The following STK32C variants were observed in gnomAD, a reference collection of about 807,000 sequenced individuals.
STK32C encodes the protein serine/threonine-protein kinase 32C.
In STK32C, 31 loss-of-function variants were observed where a neutral mutation model predicts 56.5. That is an observed-to-expected ratio of 0.55 (90% CI 0.41 to 0.74). STK32C has a LOEUF of 0.74. Ranked by LOEUF, STK32C falls within the 30% of genes least tolerant of loss-of-function variation. The pLI is 0.00. For missense variants in STK32C, 544 were observed against 676.9 expected, an observed-to-expected ratio of 0.80 and a Z score of 2.18; for synonymous variants, 309 against 289.4, an observed-to-expected ratio of 1.07 and a Z score of -0.69.
intron 3 of STK32C, among the ~76,000 whole-genome samples, chr10:132,227,616 GGTGGTGATGGTGATGGTGATGACA>G (rs1414629755): frequency 7.1e-6 from 1 of 141,566 alleles, no homozygotes; most frequent in East Asian, 2.2e-4. Flanking sequence ...TGGCGATGAT[GGTGGTGATGGTGATGGTGATGACA>G]GTGGTGAGTT....
intron 1 of STK32C, among the ~76,000 whole-genome samples, chr10:132,267,723 A>C (rs553477932): frequency 7.7e-6 from 1 of 129,256 alleles, no homozygotes; most frequent in African/African-American, 3.1e-5. Flanking sequence ...ATGTGCATGC[A>C]TGTCCCACAT....
chr10:132,229,799 G>A (rs969216762), intron 2 of STK32C, among the ~76,000 whole-genome samples: 2 of 152,222 alleles, frequency 1.3e-5, no homozygotes, highest in Admixed American at 6.5e-5. Flanking sequence ...ACAGAGCACC[G>A]GGCTGGCCCA....
At chr10:132,220,728 G>A (rs540133660) in intron 10 of STK32C, among the ~76,000 whole-genome samples, 1 of 152,266 alleles carries the variant, frequency 6.6e-6, no homozygotes, top group East Asian at 1.9e-4. Context: ...ATGAGACCAC[G>A]ACCTCAGACA....
chr10:132,265,807 C>T (rs1018107337), intron 1 of STK32C, among the ~76,000 whole-genome samples: 11 of 152,188 alleles, frequency 7.2e-5, no homozygotes, highest in African/African-American at 2.2e-4. Flanking sequence ...GAAAACCCAA[C>T]GCGGGCCCCC....
At chr10:132,330,052 A>C (rs1263358276) in intron 1 of STK32C, among the ~76,000 whole-genome samples, 2 of 152,164 alleles carry the variant, frequency 1.3e-5, no homozygotes, top group African/African-American at 4.8e-5. Flanking sequence ...CTCCACAGCC[A>C]CTCAATAATC....
At chr10:132,313,328 C>T (rs967798312) in intron 1 of STK32C, among the ~76,000 whole-genome samples, 5 of 152,214 alleles carry the variant, frequency 3.3e-5, no homozygotes, top group African/African-American at 1.2e-4. Flanking sequence ...CATTAAACGC[C>T]GTGGCTGTTT....
rs2062209136 is a variant in STK32C at position 132,209,180 on chromosome 10, C to T, written c.1252-79G>A. On this transcript the variant is annotated intron_variant, in intron 10 of 11. Coordinates refer to ENST00000298630, the MANE Select transcript of STK32C (RefSeq NM_173575.4). The stretch of plus-strand genomic sequence containing the variant: ...ATGTCCCCTCAAGTGAGTGTCTGGG[C>T]ATCCCCATCGGGCCTCCACCTGTGG... The T allele has an allele frequency of 6.6e-6, 9 of 1,365,706 alleles. No individual in the cohort carries two copies. The Admixed American group carries it at 7.0e-5, about 11-fold the overall frequency. The allele number at this position is 1,365,706 out of a possible 1,614,324, so 84.6% of individuals were successfully genotyped here.
At chr10:132,290,574 C>T (rs575186678) in intron 1 of STK32C, among the ~76,000 whole-genome samples, 3 of 152,280 alleles carry the variant, frequency 2.0e-5, no homozygotes, top group Admixed American at 1.3e-4. Flanking sequence ...ACTGTTCTGA[C>T]GTTTATGAGG....
At chr10:132,220,167 G>C (rs1159650417) in intron 10 of STK32C, among the ~76,000 whole-genome samples, 1 of 152,246 alleles carries the variant, frequency 6.6e-6, no homozygotes, top group African/African-American at 2.4e-5. Context: ...TACTGGATCA[G>C]GGTGGGCCCT....
In STK32C at chr10:132,207,501, C is replaced by T. The variant is rs113429166; in HGVS notation, c.*509G>A. 2.1e-5 allele frequency: 3 copies of T among 142,960 alleles called. No individual in the cohort carries two copies. Among genetic ancestry groups the T allele is most frequent in the Non-Finnish European group, 4.6e-5 (3 of 65,874 alleles). The allele number at this position is 142,960 out of a possible 1,614,324, so 8.9% of individuals were successfully genotyped here. On this transcript the variant is annotated 3_prime_UTR_variant, in exon 12 of 12. Transcript: ENST00000298630. ...AGAACATGCAACATCGAGCGGTTCT[C>T]ACATTGTAATTCTCAGAGGTGAAAA...
intron 1 of STK32C, among the ~76,000 whole-genome samples, chr10:132,282,003 C>T (rs2065226620): frequency 6.6e-6 from 1 of 152,268 alleles, no homozygotes; most frequent in Non-Finnish European, 1.5e-5. Context: ...TGAGCGCCGA[C>T]ATTCAGAGGG....
At chr10:132,220,491 C>T (rs2062602401) in intron 10 of STK32C, among the ~76,000 whole-genome samples, 1 of 152,188 alleles carries the variant, frequency 6.6e-6, no homozygotes, top group South Asian at 2.1e-4. Flanking sequence ...GAACACGAAC[C>T]ACGTCCACAT....
chr10:132,223,774 CCT>C (rs1483195145), intron 8 of STK32C, among the ~76,000 whole-genome samples: 2 of 152,216 alleles, frequency 1.3e-5, no homozygotes, highest in East Asian at 1.9e-4. Context: ...CACTCCCCTC[CCT>C]GTCCTGCCTG....
At chr10:132,314,204 T>C (rs994709334) in intron 1 of STK32C, among the ~76,000 whole-genome samples, 3 of 152,228 alleles carry the variant, frequency 2.0e-5, no homozygotes, top group Non-Finnish European at 4.4e-5. Flanking sequence ...TCATCGCTCA[T>C]AGCAGAACTA....
At position 132,259,015 on chromosome 10, in the gene STK32C, T is replaced by G. The variant is rs191641854; in HGVS notation, c.263-13060A>C. ...TCACTCGACAACACATGAACAGGGC[T>G]ATAGCTTGGGAGGCTGCTGCACCGG... On this transcript the variant is annotated intron_variant, in intron 1 of 11. Coordinates refer to ENST00000298630, the MANE Select transcript of STK32C (RefSeq NM_173575.4). Among the ~76,000 whole-genome samples the G allele has an allele frequency of 1.4e-3, 214 of 152,254 alleles. 1 individual carries two copies. The highest frequency in any genetic ancestry group is 4.6e-3 in the African/African-American group (193 of 41,506).
At chr10:132,252,565 G>A (rs897172476) in intron 1 of STK32C, among the ~76,000 whole-genome samples, 2 of 152,202 alleles carry the variant, frequency 1.3e-5, no homozygotes, top group Non-Finnish European at 2.9e-5. Context: ...CACAGCTAGG[G>A]GGCTCCTTCC....
chr10:132,258,326 AG>A (rs774906592), intron 1 of STK32C, among the ~76,000 whole-genome samples: 1 of 152,240 alleles, frequency 6.6e-6, no homozygotes, highest in Non-Finnish European at 1.5e-5. Context: ...TAGAGTGGAA[AG>A]CACCTTTCCC....
At chr10:132,288,108 A>G (rs1341687973) in intron 1 of STK32C, among the ~76,000 whole-genome samples, 1 of 152,184 alleles carries the variant, frequency 6.6e-6, no homozygotes, top group Non-Finnish European at 1.5e-5. Context: ...AGGAAAGGGT[A>G]GTCATTTCAG....
chr10:132,311,020 G>A (rs1305666371), upstream of STK32C, among the ~76,000 whole-genome samples: 1 of 152,168 alleles, frequency 6.6e-6, no homozygotes, highest in African/African-American at 2.4e-5. This position sits in a 1 kb window ranked among gnomAD's most constrained non-coding sequence, Gnocchi z 4.4. Flanking sequence ...AGGGCTGGGG[G>A]TGGTTTGGGG....
Sources: allele counts gnomAD v4.1 joint callset (sites outside exome capture counted in the v4.1 genomes callset), GRCh38; gene constraint gnomAD v4.1.1; non-coding constraint Gnocchi (gnomAD v3.1); transcripts MANE v1.5; gene names NCBI Gene and HGNC (gene_info 2026-07-23, HGNC 2026-07-21).